The following GRIK2 variants were observed in gnomAD, a reference collection of about 807,000 sequenced individuals.
The protein encoded by GRIK2 is glutamate ionotropic receptor kainate type subunit 2.
A neutral mutation model predicts 100.3 loss-of-function variants in GRIK2; 32 were observed. That is an observed-to-expected ratio of 0.32 (90% CI 0.24 to 0.43). The LOEUF is 0.43. Among genes scored for constraint, GRIK2 ranks in the 20% least tolerant of loss-of-function variants. The pLI is 1.00. For missense variants in GRIK2, 843 were observed against 1,114.9 expected (o/e 0.76, Z 3.47); for synonymous variants, 417 against 389.4 (o/e 1.07, Z -0.83).
intron 14 of GRIK2, among the ~76,000 whole-genome samples, chr6:101,995,407 C>T (rs1322251468): frequency 6.6e-6 from 1 of 151,942 alleles, no homozygotes; most frequent in Non-Finnish European, 1.5e-5. Context: ...TATTTTAAAA[C>T]ATGCCTTTTT....
chr6:101,612,505 A>T (rs1409808145), intron 2 of GRIK2, among the ~76,000 whole-genome samples: 5 of 151,772 alleles, frequency 3.3e-5, no homozygotes, highest in Admixed American at 6.6e-5. Context: ...GATTGAGCTT[A>T]GGTGTAAACA....
chr6:101,887,117 C>T (rs1395414268), intron 11 of GRIK2, among the ~76,000 whole-genome samples: 2 of 151,902 alleles, frequency 1.3e-5, no homozygotes, highest in South Asian at 2.1e-4. Context: ...TGTGAGCCAG[C>T]GTGCCTGGCC....
intron 3 of GRIK2, among the ~76,000 whole-genome samples, chr6:101,623,028 AG>A (rs975840944): frequency 2.0e-5 from 3 of 152,062 alleles, no homozygotes; most frequent in Non-Finnish European, 2.9e-5. Context: ...TTTTTCTCAA[AG>A]GAAAAGGCTT....
At chr6:101,905,421 A>G (rs1788153443) in intron 12 of GRIK2, among the ~76,000 whole-genome samples, 1 of 151,676 alleles carries the variant, frequency 6.6e-6, no homozygotes, top group Admixed American at 6.6e-5. Context: ...ATATGTCGTT[A>G]GACAAAAGCT....
chr6:101,958,253 T>TTGTGTG (rs1554292720), intron 14 of GRIK2, among the ~76,000 whole-genome samples: 57 of 139,446 alleles, frequency 4.1e-4, no homozygotes, highest in African/African-American at 1.1e-3. Flanking sequence ...TGCTACATAT[T>TTGTGTG]TGTGTGTGTG....
In GRIK2 at chr6:101,981,045, C is replaced by G. The variant is rs75388142; in HGVS notation, c.2085+52413C>G. Among the ~76,000 whole-genome samples, 174 of 151,670 alleles carry G rather than the reference C, an allele frequency of 1.1e-3. 1 individual carries two copies. The East Asian group carries it at 0.028, about 24-fold the overall frequency. On this transcript the variant is annotated intron_variant, in intron 14 of 16. Transcript: ENST00000369134. ...ATTCCACTTAATCTGTTATGTGAAA[C>G]AGTGATCCAAGTTCCATTTTGCCAC...
chr6:101,519,834 T>C (rs2518245), intron 2 of GRIK2, among the ~76,000 whole-genome samples: 15,718 of 152,226 alleles, frequency 0.1, 998 homozygotes, highest in Middle Eastern at 0.14. Context: ...CCTTCACATT[T>C]GACTCTGTTA....
In GRIK2 at chr6:101,790,611, G is replaced by A. The variant is rs867056178; in HGVS notation, c.952-9037G>A. ...ATGTGCTGCTGGATTCGGTTTGCCAGTATTTTATTGAGGATTTTTGCATCA... is the reference window on the plus strand; with the variant it reads ...ATGTGCTGCTGGATTCGGTTTGCCAATATTTTATTGAGGATTTTTGCATCA... On this transcript the variant is annotated intron_variant, in intron 7 of 16. Coordinates refer to ENST00000369134, the MANE Select transcript of GRIK2 (RefSeq NM_021956.5). 6.8e-3 allele frequency among the ~76,000 whole-genome samples: 991 copies of A among 146,654 alleles called. 4 individuals carry two copies. The highest frequency in any genetic ancestry group is 8.8e-3 in the Non-Finnish European group (588 of 66,716).
At chr6:101,575,669 C>T (rs1434936755) in intron 2 of GRIK2, among the ~76,000 whole-genome samples, 1 of 151,998 alleles carries the variant, frequency 6.6e-6, no homozygotes, top group East Asian at 1.9e-4. Flanking sequence ...CTCTCAAAGA[C>T]ATGGTAATTT....
At chr6:101,463,424 C>A (rs978064772) in intron 2 of GRIK2, among the ~76,000 whole-genome samples, 1 of 151,986 alleles carries the variant, frequency 6.6e-6, no homozygotes, top group Non-Finnish European at 1.5e-5. Context: ...TGTCTTGATG[C>A]TAGACATAAT....
intron 14 of GRIK2, among the ~76,000 whole-genome samples, chr6:102,012,182 T>G (rs1795581761): frequency 1.3e-5 from 2 of 152,200 alleles, no homozygotes; most frequent in African/African-American, 4.8e-5. Context: ...TCTGGTCTAT[T>G]TATTTTGTTC....
intron 10 of GRIK2, among the ~76,000 whole-genome samples, chr6:101,836,619 T>TTATA (rs1562426735): frequency 1.5e-5 from 2 of 135,112 alleles, no homozygotes; most frequent in East Asian, 2.1e-4. Flanking sequence ...ATATATATAG[T>TTATA]TATATATATA....
chr6:102,055,758 A>G (rs1395093460), intron 16 of GRIK2, among the ~76,000 whole-genome samples, 178 bp downstream of exon 16: 2 of 152,036 alleles, frequency 1.3e-5, no homozygotes, highest in Non-Finnish European at 2.9e-5. Context: ...TCACAGAAAG[A>G]CTCATGGTCA....
intron 10 of GRIK2, among the ~76,000 whole-genome samples, chr6:101,858,841 A>AT (rs758186525): frequency 4.7e-4 from 71 of 152,078 alleles, no homozygotes; most frequent in Non-Finnish European, 8.4e-4. Context: ...TTAGTCAGCA[A>AT]TTTTTTTCAT....
chr6:101,938,973 G>T (rs1228326983), intron 14 of GRIK2, among the ~76,000 whole-genome samples: 2 of 151,968 alleles, frequency 1.3e-5, no homozygotes, highest in African/African-American at 2.4e-5. Context: ...CTAAAGGTAG[G>T]TGTTTCATTT....
intron 7 of GRIK2, among the ~76,000 whole-genome samples, chr6:101,788,099 T>C (rs1301553950): frequency 3.9e-5 from 6 of 152,144 alleles, no homozygotes; most frequent in African/African-American, 1.4e-4. Context: ...TTATTTGATA[T>C]AAGTATAGCT....
At chr6:101,874,196 C>T (rs1006863932) in intron 11 of GRIK2, among the ~76,000 whole-genome samples, 1 of 152,042 alleles carries the variant, frequency 6.6e-6, no homozygotes, top group African/African-American at 2.4e-5. Context: ...AATGGTATTG[C>T]CTAGGTTTTC....
chr6:101,889,861 C>T lies in GRIK2; in HGVS notation c.1746C>T (p.Ala582=), dbSNP rs1467284675. 1 of 1,584,042 alleles carries T rather than the reference C, an allele frequency of 6.3e-7. No homozygotes were observed. The highest frequency in any genetic ancestry group is 8.7e-7 in the Non-Finnish European group (1 of 1,153,032). Residue 582 remains alanine (A), a splice_region_variant and synonymous_variant, in exon 12 of 17, where the codon GCC becomes GCT. Coordinates refer to ENST00000369134, the MANE Select transcript of GRIK2 (RefSeq NM_021956.5). ...TCAGTTGTGTGCTCTTTGTCATAGC[C>T]AGGTAACATGCTCACTTTTGTGATT... ...LGVSCVLFVI[A]RFSPYEWYNP... is the part of the protein sequence containing the mutation.
intron 4 of GRIK2, among the ~76,000 whole-genome samples, chr6:101,648,799 C>T (rs1781650154): frequency 6.6e-6 from 1 of 151,890 alleles, no homozygotes; most frequent in South Asian, 2.1e-4. Flanking sequence ...TAAAAAGATA[C>T]CTGAGATTGG....
Sources: allele counts gnomAD v4.1 joint callset (sites outside exome capture counted in the v4.1 genomes callset), GRCh38; gene constraint gnomAD v4.1.1; transcripts MANE v1.5; gene names NCBI Gene and HGNC (gene_info 2026-07-23, HGNC 2026-07-21).